QTMAN: variants seen among roughly 807,000 people sequenced by gnomAD.
The protein encoded by QTMAN is queuosine-tRNA mannosyltransferase, also known as tRNA-queuosine alpha-mannosyltransferase.
At chr2:144,059,961 C>T in the QTMAN span, among the ~76,000 whole-genome samples, 1 of 152,156 alleles carries the variant, frequency 6.6e-6, no homozygotes, top group Non-Finnish European at 1.5e-5. Flanking sequence ...CTTTACTTCA[C>T]AGCTCTTAAC....
At chr2:144,050,317 G>GA in the QTMAN span, among the ~76,000 whole-genome samples, 320 of 145,566 alleles carry the variant, frequency 2.2e-3, no homozygotes, top group South Asian at 0.012. Flanking sequence ...CAGGAACGGT[G>GA]AAAAAAAAAA....
At chr2:144,047,769 T>A in the QTMAN span, among the ~76,000 whole-genome samples, 1 of 152,216 alleles carries the variant, frequency 6.6e-6, no homozygotes, top group Non-Finnish European at 1.5e-5. Context: ...GAGACAATTA[T>A]AAGGAAATTG....
the QTMAN span, among the ~76,000 whole-genome samples, chr2:144,147,585 T>C: frequency 2.6e-5 from 4 of 151,936 alleles, no homozygotes; most frequent in Non-Finnish European, 5.9e-5. Flanking sequence ...TTTCTTACTA[T>C]GCCCATCCCT....
chr2:144,237,729 T>G, the QTMAN span, among the ~76,000 whole-genome samples: 1 of 152,136 alleles, frequency 6.6e-6, no homozygotes, highest in East Asian at 1.9e-4. Context: ...CTCAAGGAAT[T>G]CATGCCTTTG....
the QTMAN span, among the ~76,000 whole-genome samples, chr2:144,036,721 A>T: frequency 6.6e-6 from 1 of 152,142 alleles, no homozygotes; most frequent in Non-Finnish European, 1.5e-5. Context: ...TTCAAAAAGA[A>T]CCTTAATGGC....
the QTMAN span, among the ~76,000 whole-genome samples, chr2:144,196,062 TTC>T: frequency 2.6e-5 from 4 of 152,068 alleles, no homozygotes; most frequent in East Asian, 3.9e-4. Context: ...AGTTCATTTT[TTC>T]TGTTTTAAAA....
At chr2:144,089,500 T>C in the QTMAN span, among the ~76,000 whole-genome samples, 6 of 152,110 alleles carry the variant, frequency 3.9e-5, no homozygotes, top group East Asian at 3.9e-4. Flanking sequence ...GGCAGGTTTA[T>C]TGCAGCACTA....
chr2:143,945,798 C>G, the QTMAN span: 1 of 152,220 alleles, frequency 6.6e-6, no homozygotes, highest in Non-Finnish European at 1.5e-5. Flanking sequence ...GGTTTATCAA[C>G]AGACTTTACC....
At chr2:144,236,633 C>G in the QTMAN span, among the ~76,000 whole-genome samples, 2 of 151,888 alleles carry the variant, frequency 1.3e-5, no homozygotes, top group African/African-American at 4.8e-5. Flanking sequence ...CAAAAAGGAC[C>G]ATTTATGACA....
chr2:144,056,964 G>A, the QTMAN span, among the ~76,000 whole-genome samples: 2 of 152,196 alleles, frequency 1.3e-5, no homozygotes, highest in Non-Finnish European at 2.9e-5. Flanking sequence ...TTGACAGTGT[G>A]AATCTCTGTA....
the QTMAN span, among the ~76,000 whole-genome samples, chr2:144,249,306 C>G: frequency 6.6e-6 from 1 of 152,106 alleles, no homozygotes; most frequent in Non-Finnish European, 1.5e-5. Flanking sequence ...TTTTAAAAAT[C>G]ATAAAAAGAT....
the QTMAN span, among the ~76,000 whole-genome samples, chr2:144,284,389 T>C: frequency 6.6e-6 from 1 of 151,966 alleles, no homozygotes; most frequent in Non-Finnish European, 1.5e-5. Flanking sequence ...TAAAATTTAA[T>C]GACATGTGAG....
At chr2:144,185,040 A>T in the QTMAN span, among the ~76,000 whole-genome samples, 2 of 152,178 alleles carry the variant, frequency 1.3e-5, no homozygotes, top group African/African-American at 4.8e-5. Context: ...AATTTGAAAG[A>T]TCAAATGATA....
chr2:144,281,291 C>T, the QTMAN span, among the ~76,000 whole-genome samples: 7 of 149,314 alleles, frequency 4.7e-5, no homozygotes, highest in African/African-American at 1.2e-4. Flanking sequence ...ATTCTACTTG[C>T]TACAATCCAA....
the QTMAN span, among the ~76,000 whole-genome samples, chr2:144,226,541 C>T: frequency 6.6e-6 from 1 of 152,196 alleles, no homozygotes; most frequent in East Asian, 1.9e-4. Context: ...TCTCCTAGTA[C>T]TGCTTTTGAA....
At chr2:144,184,445 T>C in the QTMAN span, among the ~76,000 whole-genome samples, 1 of 152,156 alleles carries the variant, frequency 6.6e-6, no homozygotes, top group Admixed American at 6.5e-5. Flanking sequence ...ATAAAATTAG[T>C]TCCTCCAACA....
the QTMAN span, among the ~76,000 whole-genome samples, chr2:144,082,851 C>A: frequency 6.6e-6 from 1 of 151,930 alleles, no homozygotes; most frequent in Non-Finnish European, 1.5e-5. Context: ...ATTCATCAAG[C>A]TTGAGGGGTT....
the QTMAN span, among the ~76,000 whole-genome samples, chr2:143,986,108 AT>A: frequency 8.3e-4 from 126 of 152,326 alleles, no homozygotes; most frequent in African/African-American, 2.9e-3. Context: ...TTGAGTATCA[AT>A]TACCTTTAGG....
the QTMAN span, among the ~76,000 whole-genome samples, chr2:144,021,490 T>C: frequency 6.6e-6 from 1 of 152,010 alleles, no homozygotes. Flanking sequence ...ATCCAGGACA[T>C]AGTTGACCCA....
Sources: gnomAD v4.1 joint callset for allele counts (sites outside exome capture counted in the v4.1 genomes callset) on GRCh38, gnomAD v4.1.1 for gene constraint, MANE v1.5 for transcripts, NCBI Gene and HGNC (gene_info 2026-07-23, HGNC 2026-07-21) for gene names.